The following TMEM132D variants were observed in gnomAD, a reference collection of about 807,000 sequenced individuals.
TMEM132D encodes the protein transmembrane protein 132D, also known as mature OL transmembrane protein.
In TMEM132D, 21 loss-of-function variants were observed where a neutral mutation model predicts 62.3. The ratio of observed to expected loss-of-function variants is 0.34; its 90% CI spans 0.24 to 0.49. TMEM132D has a LOEUF of 0.49. TMEM132D is among the 20% of genes least tolerant of loss of function. The pLI is 0.99. For synonymous variants in TMEM132D, 621 were observed against 575.6 expected (o/e 1.08, Z -1.13); for missense variants, 1,346 against 1,402.8 (o/e 0.96, Z 0.65).
chr12:129,455,069 G>C (rs1873424412), intron 3 of TMEM132D, among the ~76,000 whole-genome samples: 1 of 152,240 alleles, frequency 6.6e-6, no homozygotes. Context: ...CAAAAGCTCA[G>C]AGTGTTCACC....
intron 2 of TMEM132D, among the ~76,000 whole-genome samples, chr12:129,591,555 G>C (rs760921685): frequency 4.7e-5 from 7 of 148,310 alleles, no homozygotes; most frequent in Non-Finnish European, 1.0e-4. Context: ...TTTTTTCTCG[G>C]TTTTAGGAAC....
intron 4 of TMEM132D, among the ~76,000 whole-genome samples, chr12:129,312,966 C>T (rs1882017393): frequency 6.6e-6 from 1 of 152,038 alleles, no homozygotes; most frequent in South Asian, 2.1e-4. Flanking sequence ...TGTCTGAGAA[C>T]AAAAAATTCC....
intron 2 of TMEM132D, among the ~76,000 whole-genome samples, chr12:129,578,717 G>A (rs1365268469): frequency 3.3e-5 from 5 of 152,078 alleles, no homozygotes; most frequent in Non-Finnish European, 5.9e-5. Context: ...TTTCTGGGCT[G>A]GGTCTGAAGG....
chr12:129,091,806 G>A (rs968002913), intron 5 of TMEM132D, among the ~76,000 whole-genome samples: 3 of 152,216 alleles, frequency 2.0e-5, no homozygotes, highest in Non-Finnish European at 4.4e-5. Flanking sequence ...ATCCTGGTCT[G>A]GAGAGACAAT....
rs542886375 is a variant in TMEM132D, at chr12:129,274,940, G to A, written c.1299+62694C>T. 8.5e-5 allele frequency among the ~76,000 whole-genome samples: 13 copies of A among 152,238 alleles called. 1 individual carries two copies. The highest frequency in any genetic ancestry group is 7.2e-4 in the Admixed American group (11 of 15,298). On this transcript the variant is annotated intron_variant, in intron 4 of 8. Transcript: ENST00000422113. ...TTTTACTACAAATGATAACAATAAT[G>A]AAGGTGATGTAAAATATCTTTGAAA... is the stretch of plus-strand genomic sequence containing the variant.
At chr12:129,877,091 A>G (rs1874437057) in intron 1 of TMEM132D, among the ~76,000 whole-genome samples, 1 of 152,042 alleles carries the variant, frequency 6.6e-6, no homozygotes, top group Non-Finnish European at 1.5e-5. Context: ...AAAACAAGAC[A>G]CATTTTACAA....
intron 4 of TMEM132D, among the ~76,000 whole-genome samples, chr12:129,257,973 G>T (rs1197611192): frequency 6.6e-6 from 1 of 151,992 alleles, no homozygotes; most frequent in African/African-American, 2.4e-5. Context: ...AGCCTTTTTT[G>T]CTCAAGCCAT....
intron 2 of TMEM132D, among the ~76,000 whole-genome samples, chr12:129,665,658 C>T (rs893791695): frequency 6.6e-6 from 1 of 152,176 alleles, no homozygotes; most frequent in East Asian, 1.9e-4. Context: ...TGCAACAAGG[C>T]TAAAAGACAT....
At chr12:129,538,573 C>T (rs1275828000) in intron 2 of TMEM132D, among the ~76,000 whole-genome samples, 3 of 151,970 alleles carry the variant, frequency 2.0e-5, no homozygotes, top group Non-Finnish European at 4.4e-5. Context: ...TCTACACATA[C>T]CTATGATAAA....
At chr12:129,564,645 C>T (rs370924004) in intron 2 of TMEM132D, among the ~76,000 whole-genome samples, 1 of 152,210 alleles carries the variant, frequency 6.6e-6, no homozygotes. Context: ...CTCTTAATTA[C>T]AAGTATGTTC....
intron 4 of TMEM132D, among the ~76,000 whole-genome samples, chr12:129,307,546 A>G: frequency 6.6e-6 from 1 of 151,962 alleles, no homozygotes. Context: ...CCTTAAAACC[A>G]TCTCATCCCT....
In TMEM132D at chr12:129,449,877, T is replaced by A. The variant is rs61943128; in HGVS notation, c.1115+81182A>T. 3.6e-3 allele frequency among the ~76,000 whole-genome samples: 544 copies of A among 152,356 alleles called. 5 individuals carry two copies. The highest frequency in any genetic ancestry group is 0.02 in the South Asian group (95 of 4,826). ...ATGGATATGTTGGATCAGTTTGAAG[T>A]GAGTCCGTGGGTCTTGTGATCAAAA... On this transcript the variant is annotated intron_variant, in intron 3 of 8. Transcript: ENST00000422113.
At chr12:129,357,654 G>A (rs973223626) in intron 3 of TMEM132D, among the ~76,000 whole-genome samples, 3 of 151,076 alleles carry the variant, frequency 2.0e-5, no homozygotes, top group Non-Finnish European at 3.0e-5. Context: ...ATTTCAGATC[G>A]AAAGAAAGAG....
chr12:129,555,404 C>A (rs369219109), intron 2 of TMEM132D, among the ~76,000 whole-genome samples: 2 of 152,288 alleles, frequency 1.3e-5, no homozygotes, highest in East Asian at 3.9e-4. Flanking sequence ...CCTGGGATGA[C>A]CCTGCTTGAG....
At chr12:129,194,596 C>A (rs1353259384) in intron 5 of TMEM132D, among the ~76,000 whole-genome samples, 2 of 152,076 alleles carry the variant, frequency 1.3e-5, no homozygotes, top group East Asian at 3.9e-4. Context: ...TCACGTGTAC[C>A]CCCAAACCTA....
intron 2 of TMEM132D, among the ~76,000 whole-genome samples, chr12:129,687,768 G>GCATCTT (rs1880967699): frequency 6.6e-6 from 1 of 152,204 alleles, no homozygotes; most frequent in Admixed American, 6.5e-5. Flanking sequence ...GCTTGGCTCT[G>GCATCTT]CATCTTCTTC....
intron 5 of TMEM132D, among the ~76,000 whole-genome samples, chr12:129,198,045 C>T (rs1026529551): frequency 6.6e-6 from 1 of 152,088 alleles, no homozygotes; most frequent in African/African-American, 2.4e-5. Context: ...CTCAACATCA[C>T]GAATCACTAC....
At chr12:129,592,649 C>A (rs1705102) in intron 2 of TMEM132D, among the ~76,000 whole-genome samples, 84,463 of 151,780 alleles carry the variant, frequency 0.56, 23,972 homozygotes, top group African/African-American at 0.67. Context: ...TGTACATATT[C>A]AAAAGAATGA....
At chr12:129,639,154 G>A (rs1441319596) in intron 2 of TMEM132D, among the ~76,000 whole-genome samples, 2 of 151,820 alleles carry the variant, frequency 1.3e-5, no homozygotes, top group Non-Finnish European at 2.9e-5. Flanking sequence ...AGGCTGAGGC[G>A]GGCGGATCAC....
Sources: gnomAD v4.1 joint callset for allele counts (sites outside exome capture counted in the v4.1 genomes callset) on GRCh38, gnomAD v4.1.1 for gene constraint, MANE v1.5 for transcripts, NCBI Gene and HGNC (gene_info 2026-07-23, HGNC 2026-07-21) for gene names.